The following ATP10A variants were observed in gnomAD, a reference collection of about 807,000 sequenced individuals.
The protein encoded by ATP10A is phospholipid-transporting ATPase VA.
ATP10A carries 111 observed loss-of-function variants against 147.8 expected under a neutral mutation model. The ratio of observed to expected loss-of-function variants is 0.75; its 90% CI spans 0.64 to 0.88. ATP10A has a LOEUF of 0.88. ATP10A is among the 40% of genes least tolerant of loss of function. ATP10A has a pLI of 0.00. For missense variants in ATP10A, 1,927 were observed against 1,959.0 expected (o/e 0.98, Z 0.31); for synonymous variants, 875 against 841.6 (o/e 1.04, Z -0.69).
intron 1 of ATP10A, 133 bp downstream of exon 1, chr15:25,862,515 G>T: frequency 8.9e-7 from 1 of 1,123,372 alleles, no homozygotes; most frequent in Non-Finnish European, 1.2e-6. Context: ...GTCCCGCGCA[G>T]CCGGGCCCTC....
intron 2 of ATP10A, among the ~76,000 whole-genome samples, chr15:25,750,588 G>A (rs1163719220): frequency 2.0e-5 from 3 of 152,080 alleles, no homozygotes; most frequent in Non-Finnish European, 2.9e-5. Flanking sequence ...AGCTCTAGGT[G>A]ATTTTAGTGC....
intron 14 of ATP10A, among the ~76,000 whole-genome samples, chr15:25,694,118 T>C (rs1320996871): frequency 2.0e-5 from 3 of 152,312 alleles, no homozygotes; most frequent in African/African-American, 4.8e-5. Flanking sequence ...CTAGAGACTC[T>C]GCCTGCACTA....
chr15:25,798,645 G>A (rs1217002227), intron 1 of ATP10A, among the ~76,000 whole-genome samples: 1 of 152,228 alleles, frequency 6.6e-6, no homozygotes, highest in African/African-American at 2.4e-5. Flanking sequence ...CCACAGAGAA[G>A]GCACGCTCTT....
intron 1 of ATP10A, among the ~76,000 whole-genome samples, chr15:25,818,324 A>G (rs919987447): frequency 4.0e-4 from 61 of 152,294 alleles, no homozygotes; most frequent in African/African-American, 1.4e-3. Flanking sequence ...TAAATCTAGA[A>G]TAAGTTTTTA....
chr15:25,833,875 G>A (rs1440647147), intron 1 of ATP10A, among the ~76,000 whole-genome samples: 6 of 152,140 alleles, frequency 3.9e-5, no homozygotes, highest in African/African-American at 1.2e-4. Context: ...GGGAGGCTGA[G>A]GCAGGAGAAA....
At chr15:25,861,986 G>A in intron 1 of ATP10A, 1 of 324,156 alleles carries the variant, frequency 3.1e-6, no homozygotes. Flanking sequence ...TACTGCCCGT[G>A]GCAGGGCTCA....
chr15:25,747,332 C>T (rs543197082), intron 2 of ATP10A, among the ~76,000 whole-genome samples: 7 of 149,232 alleles, frequency 4.7e-5, no homozygotes, highest in South Asian at 4.2e-4. Flanking sequence ...ACTTGTACTA[C>T]GTATCAAAGA....
At chr15:25,773,117 C>A (rs117840688) in intron 2 of ATP10A, among the ~76,000 whole-genome samples, 1 of 152,018 alleles carries the variant, frequency 6.6e-6, no homozygotes, top group South Asian at 2.1e-4. Flanking sequence ...CCTTAAAGGT[C>A]GATTCCTTTA....
At chr15:25,750,976 C>T (rs1250340161) in intron 2 of ATP10A, among the ~76,000 whole-genome samples, 1 of 152,076 alleles carries the variant, frequency 6.6e-6, no homozygotes, top group East Asian at 1.9e-4. Context: ...AGATGATAGG[C>T]TTAAATCTAA....
intron 1 of ATP10A, among the ~76,000 whole-genome samples, chr15:25,843,434 G>A (rs1044275561): frequency 6.6e-6 from 1 of 152,074 alleles, no homozygotes; most frequent in Admixed American, 6.5e-5. Flanking sequence ...CAAGAATCTG[G>A]CTGAACTGTG....
At chr15:25,718,943 A>C (rs1902031053) in intron 7 of ATP10A, among the ~76,000 whole-genome samples, 1 of 152,160 alleles carries the variant, frequency 6.6e-6, no homozygotes, top group African/African-American at 2.4e-5. Context: ...CTCAGCTTTG[A>C]AACTCCATCC....
chr15:25,850,638 T>G (rs1262085488), intron 1 of ATP10A, among the ~76,000 whole-genome samples: 1 of 53,300 alleles, frequency 1.9e-5, no homozygotes. Flanking sequence ...TCTCCCTCCC[T>G]CCCTCCCCCC....
chr15:25,863,585 G>A (rs1465732684), upstream of ATP10A: 2 of 152,438 alleles, frequency 1.3e-5, no homozygotes, highest in Admixed American at 6.5e-5. Flanking sequence ...GCGAGAAAAG[G>A]CGCCCCCGTC....
intron 2 of ATP10A, among the ~76,000 whole-genome samples, chr15:25,777,078 C>A (rs898574031): frequency 7.0e-6 from 1 of 143,664 alleles, no homozygotes; most frequent in African/African-American, 2.6e-5. Flanking sequence ...TGTGTGCATG[C>A]GTGTGTGTGC....
intron 1 of ATP10A, among the ~76,000 whole-genome samples, chr15:25,790,654 G>A (rs1043647792): frequency 6.6e-6 from 1 of 152,180 alleles, no homozygotes; most frequent in African/African-American, 2.4e-5. Context: ...ACTAGTTTGC[G>A]AAAGCAAAAC....
chr15:25,851,906 A>G (rs1189024584), intron 1 of ATP10A, among the ~76,000 whole-genome samples: 2 of 152,186 alleles, frequency 1.3e-5, no homozygotes, highest in African/African-American at 4.8e-5. Context: ...TCTAAAAATA[A>G]AACTGTTTTA....
rs763910474 is a variant in ATP10A, at chr15:25,681,007, G to A, written c.3560C>T (p.Ser1187Phe). 3.9e-5 allele frequency: 63 copies of A among 1,614,028 alleles called. No homozygotes were observed. Among genetic ancestry groups the A allele is most frequent in the Non-Finnish European group, 5.0e-5 (59 of 1,180,028 alleles). ...DAAFQSLVCF[S>F]IPYLAYYDSN... ...GGGCCAACTTACCAGGTAAGGAATG[G>A]AAAAGCAAACCAGGCTCTGGAAGGC... The change falls in exon 18 of 21, where the codon TCC (serine) becomes TTC (phenylalanine). Residue 1187 changes from serine to phenylalanine, a missense_variant. Physicochemically the swap from Ser to Phe is radical, Grantham distance 155 (BLOSUM62 -2). Coordinates refer to ENST00000555815, the MANE Select transcript of ATP10A (RefSeq NM_024490.4).
intron 1 of ATP10A, among the ~76,000 whole-genome samples, chr15:25,834,066 AACT>A (rs201207582): frequency 1.3e-5 from 2 of 151,952 alleles, no homozygotes; most frequent in Non-Finnish European, 2.9e-5. Context: ...ATATGCTATT[AACT>A]ACTAACTATG....
At chr15:25,777,636 T>C (rs1889678902) in intron 2 of ATP10A, among the ~76,000 whole-genome samples, 1 of 152,062 alleles carries the variant, frequency 6.6e-6, no homozygotes, top group Admixed American at 6.6e-5. Flanking sequence ...ATAGGGTCTC[T>C]GTCCCCCAGG....
Sources: gnomAD v4.1 joint callset for allele counts (sites outside exome capture counted in the v4.1 genomes callset) on GRCh38, gnomAD v4.1.1 for gene constraint, MANE v1.5 for transcripts, NCBI Gene and HGNC (gene_info 2026-07-23, HGNC 2026-07-21) for gene names.